The following LAMB4 variants were observed in gnomAD, a reference collection of about 807,000 sequenced individuals.
LAMB4 encodes laminin subunit beta-4.
A neutral mutation model predicts 199.2 loss-of-function variants in LAMB4; 196 were observed. The ratio of observed to expected loss-of-function variants is 0.98; its 90% CI spans 0.88 to 1.11. The LOEUF (loss-of-function observed/expected upper bound fraction) is 1.11. Among genes scored for constraint, LAMB4 ranks in the 50% least tolerant of loss-of-function variants. LAMB4 has a pLI of 0.00. For synonymous variants in LAMB4, 744 were observed against 770.6 expected (o/e 0.97, Z 0.57); for missense variants, 2,080 against 2,171.2 (o/e 0.96, Z 0.83).
intron 31 of LAMB4, among the ~76,000 whole-genome samples, chr7:108,031,575 TC>T (rs1563029985): frequency 6.6e-6 from 1 of 152,044 alleles, no homozygotes; most frequent in Non-Finnish European, 1.5e-5. Flanking sequence ...TAGCATTTTT[TC>T]TACAACCTAT....
chr7:108,037,789 T>G (rs1179042828), intron 29 of LAMB4, among the ~76,000 whole-genome samples, 194 bp from the exon 30 acceptor site: 1 of 152,196 alleles, frequency 6.6e-6, no homozygotes, highest in Non-Finnish European at 1.5e-5. Context: ...GAAGAAACAG[T>G]GCTCACTGAG....
chr7:108,114,936 A>T (rs568754715), intron 3 of LAMB4, among the ~76,000 whole-genome samples: 1 of 152,220 alleles, frequency 6.6e-6, no homozygotes, highest in Admixed American at 6.5e-5. Context: ...CTATGTTCAC[A>T]TTGGGAATTT....
rs886777 is a variant in LAMB4, at chr7:108,070,977, C to A, written c.2125-1092G>T. On this transcript the variant is annotated intron_variant, in intron 17 of 33. Transcript: ENST00000388781. ...ATTCCAGGCTCTCGAGTCTTACCACCCATCCGGAACATTTAGTGCTCAAGA... is the reference window on the plus strand; with the variant it reads ...ATTCCAGGCTCTCGAGTCTTACCACACATCCGGAACATTTAGTGCTCAAGA... Among the ~76,000 whole-genome samples the A allele has an allele frequency of 1.8e-4, 28 of 152,272 alleles. No individual in the cohort carries two copies. The South Asian group carries it at 5.8e-3, about 32-fold the overall frequency.
intron 2 of LAMB4, among the ~76,000 whole-genome samples, chr7:108,118,751 CA>C (rs951497336): frequency 1.2e-3 from 168 of 142,290 alleles, no homozygotes; most frequent in African/African-American, 3.8e-3. Flanking sequence ...TTAGAATTGC[CA>C]AAAAAAAAAC....
At chr7:108,078,866 A>C (rs1426309997) in intron 15 of LAMB4, among the ~76,000 whole-genome samples, 1 of 152,200 alleles carries the variant, frequency 6.6e-6, no homozygotes, top group East Asian at 1.9e-4. Context: ...GTAAGTAAGA[A>C]ATAGAGAATT....
At chr7:108,108,975 A>G (rs183844016) in intron 5 of LAMB4, among the ~76,000 whole-genome samples, 196 bp downstream of exon 5, 1 of 152,032 alleles carries the variant, frequency 6.6e-6, no homozygotes, top group African/African-American at 2.4e-5. Flanking sequence ...TAAAAAAATC[A>G]TATAGTCATG....
intron 18 of LAMB4, among the ~76,000 whole-genome samples, chr7:108,068,688 G>A (rs1039664674): frequency 3.3e-5 from 5 of 151,740 alleles, no homozygotes; most frequent in African/African-American, 1.2e-4. Context: ...TGTTTTGTTT[G>A]TTTGTTTGTT....
chr7:108,091,565 C>G (rs2037402416), intron 14 of LAMB4, 61 bp downstream of exon 14: 21 of 1,539,026 alleles, frequency 1.4e-5, no homozygotes, highest in Non-Finnish European at 1.9e-5. Context: ...AGTATGTGCT[C>G]TGTGTGTTTA....
chr7:108,084,149 T>A (rs911256946), intron 14 of LAMB4, among the ~76,000 whole-genome samples: 21 of 152,148 alleles, frequency 1.4e-4, no homozygotes, highest in Non-Finnish European at 2.9e-5. Flanking sequence ...CAGTTGAGGA[T>A]AAGGGGAATC....
chr7:108,095,094 G>A (rs990337816), intron 12 of LAMB4, 134 bp downstream of exon 12: 9 of 651,166 alleles, frequency 1.4e-5, no homozygotes, highest in Non-Finnish European at 2.4e-5. Context: ...TTTCTGTAGT[G>A]TAAATACTCA....
At chr7:108,081,027 C>T (rs2036915487) in intron 14 of LAMB4, among the ~76,000 whole-genome samples, 1 of 152,112 alleles carries the variant, frequency 6.6e-6, no homozygotes, top group Non-Finnish European at 1.5e-5. Flanking sequence ...AAGGCTAAGA[C>T]AGGAGAATCG....
downstream of LAMB4, among the ~76,000 whole-genome samples, chr7:108,021,691 A>G (rs943998767): frequency 6.6e-6 from 1 of 152,178 alleles, no homozygotes; most frequent in Non-Finnish European, 1.5e-5. Context: ...CCTGGGCAAC[A>G]AGAGCAAAAC....
chr7:108,062,585 G>C (rs1052566397), intron 23 of LAMB4, 189 bp downstream of exon 23: 6 of 384,164 alleles, frequency 1.6e-5, no homozygotes, highest in Non-Finnish European at 2.3e-5. Flanking sequence ...GCTGAACTTT[G>C]AGATGCTCAT....
Position 108,048,088 on chromosome 7 carries a change from C to T in LAMB4, c.4146G>A (p.Val1382=). 1.2e-6 allele frequency: 2 copies of T among 1,613,262 alleles called. No homozygotes were observed. The highest frequency in any genetic ancestry group is 1.7e-6 in the Non-Finnish European group (2 of 1,179,680). ...NEKVCGDPGN[V]PCVPLPCGGA... ...CGCCACAGGGCAAGGGCACACATGG[C>T]ACATTTCCTGGATCTCCGCACACCT... The change falls in exon 28 of 34, where the codon GTG becomes GTA. Residue 1382 remains valine (V), a synonymous_variant. Transcript: ENST00000388781.
intron 3 of LAMB4, among the ~76,000 whole-genome samples, chr7:108,115,235 G>A (rs886499140): frequency 6.6e-6 from 1 of 152,204 alleles, no homozygotes; most frequent in African/African-American, 2.4e-5. Flanking sequence ...TGGAAATTAA[G>A]CAAATCTTCC....
At chr7:108,085,474 A>G (rs556819412) in intron 14 of LAMB4, among the ~76,000 whole-genome samples, 28 of 152,348 alleles carry the variant, frequency 1.8e-4, no homozygotes, top group African/African-American at 6.7e-4. Context: ...TGAACGGCAA[A>G]TAACAAAATG....
intron 14 of LAMB4, among the ~76,000 whole-genome samples, chr7:108,089,641 A>G (rs1243666680): frequency 6.6e-6 from 1 of 152,208 alleles, no homozygotes; most frequent in Non-Finnish European, 1.5e-5. Context: ...ATTGTACAAC[A>G]TCTTAATGGG....
At chr7:108,027,907 C>T (rs985881694) in intron 33 of LAMB4, among the ~76,000 whole-genome samples, 3 of 152,110 alleles carry the variant, frequency 2.0e-5, no homozygotes, top group Admixed American at 6.6e-5. Flanking sequence ...CTCAGCCTCC[C>T]GAGTAGCTGG....
intron 32 of LAMB4, among the ~76,000 whole-genome samples, chr7:108,029,813 G>A (rs559565006): frequency 1.4e-4 from 21 of 152,126 alleles, no homozygotes; most frequent in Middle Eastern, 3.4e-3. Flanking sequence ...AAGTGGGAAC[G>A]GGGCGAGTAG....
Sources: gnomAD v4.1 joint callset for allele counts (sites outside exome capture counted in the v4.1 genomes callset) on GRCh38, gnomAD v4.1.1 for gene constraint, MANE v1.5 for transcripts, NCBI Gene and HGNC (gene_info 2026-07-23, HGNC 2026-07-21) for gene names.